Variants in LRP1B observed in about 807,000 individuals in gnomAD.
LRP1B encodes LDL receptor related protein 1B, also known as low-density lipoprotein receptor-related protein 1B.
A neutral mutation model predicts 556.6 loss-of-function variants in LRP1B; 217 were observed. The ratio of observed to expected loss-of-function variants is 0.39; its 90% confidence interval spans 0.35 to 0.44. The LOEUF (loss-of-function observed/expected upper bound fraction) is 0.44, where lower values mean the gene tolerates loss of function less well. LRP1B is among the 20% of genes least tolerant of loss of function. The pLI, the probability that LRP1B is intolerant of heterozygous loss-of-function variation, is 1.00. For missense variants in LRP1B, 5,053 were observed against 5,620.8 expected (o/e 0.90, Z 3.23); for synonymous variants, 2,047 against 1,865.8 (o/e 1.10, Z -2.50).
At chr2:140,668,817 C>T (rs539022864) in intron 41 of LRP1B, among the ~76,000 whole-genome samples, 1 of 151,602 alleles carries the variant, frequency 6.6e-6, no homozygotes, top group Non-Finnish European at 1.5e-5. Flanking sequence ...TGAAACTGAC[C>T]AGCACTTATA....
chr2:141,018,217 G>A lies in LRP1B; in HGVS notation c.1970+1705C>T, dbSNP rs191641417. 4.0e-4 allele frequency among the ~76,000 whole-genome samples: 61 copies of A among 152,000 alleles called. 1 individual carries two copies. The highest frequency in any genetic ancestry group is 1.4e-3 in the African/African-American group (60 of 41,474). ...GAAAAATTCTACCCTTTATTTCAAG[G>A]CCTGTTTGAATGTAATTATCTGATG... On this transcript the variant is annotated intron_variant, in intron 12 of 90. Transcript: ENST00000389484.
intron 1 of LRP1B, among the ~76,000 whole-genome samples, chr2:142,019,259 A>C (rs1703252592): frequency 1.3e-5 from 2 of 152,202 alleles, no homozygotes; most frequent in South Asian, 4.1e-4. Flanking sequence ...ATTATTGAAG[A>C]GGAATGCAAG....
chr2:141,263,716 C>T (rs1331241671), intron 3 of LRP1B, among the ~76,000 whole-genome samples: 1 of 152,066 alleles, frequency 6.6e-6, no homozygotes, highest in African/African-American at 2.4e-5. Context: ...AAATATAGAA[C>T]AACATTCCTT....
At chr2:141,748,745 A>C (rs1274502504) in intron 2 of LRP1B, among the ~76,000 whole-genome samples, 2 of 152,144 alleles carry the variant, frequency 1.3e-5, no homozygotes, top group Admixed American at 1.3e-4. Context: ...TGGTAGAAAC[A>C]CTCTGGCCTC....
At chr2:140,489,421 CTA>C (rs935977557) in intron 57 of LRP1B, among the ~76,000 whole-genome samples, 6 of 151,958 alleles carry the variant, frequency 3.9e-5, no homozygotes, top group Non-Finnish European at 7.4e-5. Flanking sequence ...TGAATAATGA[CTA>C]TAAGTGCTAA....
intron 3 of LRP1B, among the ~76,000 whole-genome samples, chr2:141,323,995 T>A (rs1231247113): frequency 3.4e-4 from 36 of 107,310 alleles, no homozygotes; most frequent in Admixed American, 5.3e-4. Flanking sequence ...AGCAAGGAAA[T>A]CACACACACA....
At chr2:141,051,523 C>T (rs1001694429) in intron 10 of LRP1B, among the ~76,000 whole-genome samples, 39 of 151,830 alleles carry the variant, frequency 2.6e-4, no homozygotes, top group African/African-American at 8.9e-4. Flanking sequence ...AATTAGCACA[C>T]AAACTGATAA....
chr2:141,545,736 G>C (rs190452085), intron 2 of LRP1B, among the ~76,000 whole-genome samples: 2 of 152,084 alleles, frequency 1.3e-5, no homozygotes, highest in Non-Finnish European at 2.9e-5. Context: ...TGATCATAAA[G>C]AGACATGGCA....
chr2:140,959,134 T>C (rs544919800), intron 18 of LRP1B, among the ~76,000 whole-genome samples: 284 of 151,526 alleles, frequency 1.9e-3, no homozygotes, highest in Middle Eastern at 0.01. Flanking sequence ...AAAATAAATT[T>C]CCAGTATTAG....
At chr2:141,762,158 G>T (rs1694577714) in intron 2 of LRP1B, among the ~76,000 whole-genome samples, 1 of 151,840 alleles carries the variant, frequency 6.6e-6, no homozygotes, top group Non-Finnish European at 1.5e-5. Flanking sequence ...AGAGAAAAAA[G>T]TAGGAAAAAT....
At chr2:140,266,548 T>A (rs1358185348) in intron 86 of LRP1B, among the ~76,000 whole-genome samples, 1 of 151,944 alleles carries the variant, frequency 6.6e-6, no homozygotes, top group Admixed American at 6.6e-5. Context: ...TAATAAACTG[T>A]CCCCAATATA....
chr2:141,855,478 G>T (rs766853378), intron 1 of LRP1B, among the ~76,000 whole-genome samples: 1 of 152,074 alleles, frequency 6.6e-6, no homozygotes, highest in African/African-American at 2.4e-5. Context: ...TTGTGATCCC[G>T]GAAATGTTCA....
At chr2:140,808,368 TA>T (rs997257491) in intron 32 of LRP1B, among the ~76,000 whole-genome samples, 3 of 152,168 alleles carry the variant, frequency 2.0e-5, no homozygotes, top group Non-Finnish European at 1.5e-5. Context: ...ACAAAACATT[TA>T]AAAAATAATA....
intron 3 of LRP1B, among the ~76,000 whole-genome samples, chr2:141,301,105 T>A (rs899769161): frequency 6.6e-6 from 1 of 152,130 alleles, no homozygotes; most frequent in African/African-American, 2.4e-5. Flanking sequence ...TTGTGGGGTA[T>A]GGAGTTTTAC....
chr2:141,624,972 G>C (rs1012072554), intron 2 of LRP1B, among the ~76,000 whole-genome samples: 1 of 152,038 alleles, frequency 6.6e-6, no homozygotes, highest in African/African-American at 2.4e-5. Flanking sequence ...GTTTCACTGT[G>C]TTAGCCAGGA....
intron 2 of LRP1B, among the ~76,000 whole-genome samples, chr2:141,608,652 A>G (rs1339530189): frequency 6.6e-6 from 1 of 152,214 alleles, no homozygotes; most frequent in African/African-American, 2.4e-5. Context: ...TGAATGTTTC[A>G]CAACAAACTT....
chr2:141,102,595 A>G (rs963232530), intron 7 of LRP1B, among the ~76,000 whole-genome samples: 1 of 152,018 alleles, frequency 6.6e-6, no homozygotes, highest in Admixed American at 6.6e-5. Flanking sequence ...GAAATTATAC[A>G]TGGCTGGTAC....
intron 3 of LRP1B, among the ~76,000 whole-genome samples, chr2:141,311,049 T>G (rs532227481): frequency 1.2e-3 from 177 of 152,304 alleles, no homozygotes; most frequent in Non-Finnish European, 1.4e-3. Flanking sequence ...CCTTCTATCT[T>G]GCCAGCATTT....
At chr2:141,057,471 T>A (rs1323885706) in intron 9 of LRP1B, among the ~76,000 whole-genome samples, 1 of 151,850 alleles carries the variant, frequency 6.6e-6, no homozygotes, top group Non-Finnish European at 1.5e-5. Flanking sequence ...TTTGTCTGTA[T>A]CCCCACCCAA....
Sources: allele counts gnomAD v4.1 joint callset (sites outside exome capture counted in the v4.1 genomes callset), GRCh38; gene constraint gnomAD v4.1.1; transcripts MANE v1.5; gene names NCBI Gene and HGNC (gene_info 2026-07-23, HGNC 2026-07-21).